The following LRRTM4 variants were observed in gnomAD, a reference collection of about 807,000 sequenced individuals.
LRRTM4 encodes leucine rich repeat transmembrane neuronal 4.
Under a neutral mutation model 47.6 loss-of-function variants are expected in LRRTM4, and 25 were observed. That is an observed-to-expected ratio of 0.53 (90% CI 0.38 to 0.73). LRRTM4 has a LOEUF of 0.73. LRRTM4 is among the 30% of genes least tolerant of loss of function. LRRTM4 has a pLI of 0.00. For synonymous variants in LRRTM4, 311 were observed against 269.5 expected (o/e 1.15, Z -1.51); for missense variants, 638 against 713.4 (o/e 0.89, Z 1.20).
intron 3 of LRRTM4, among the ~76,000 whole-genome samples, chr2:76,947,630 T>C (rs982948941): frequency 2.0e-5 from 3 of 151,806 alleles, no homozygotes; most frequent in South Asian, 2.1e-4. Flanking sequence ...TACATACAAA[T>C]AGACATTTGT....
At chr2:77,315,335 G>T (rs898786849) in intron 3 of LRRTM4, among the ~76,000 whole-genome samples, 7 of 151,768 alleles carry the variant, frequency 4.6e-5, no homozygotes, top group African/African-American at 1.7e-4. Context: ...TGTTCACAAG[G>T]AATAATATTT....
intron 3 of LRRTM4, among the ~76,000 whole-genome samples, chr2:76,791,203 A>C (rs4853273): frequency 6.6e-6 from 1 of 151,896 alleles, no homozygotes; most frequent in Non-Finnish European, 1.5e-5. Flanking sequence ...GAAGTGATCC[A>C]GGCATGTGGC....
intron 3 of LRRTM4, among the ~76,000 whole-genome samples, chr2:76,888,460 A>T (rs1673148108): frequency 6.6e-6 from 1 of 151,376 alleles, no homozygotes; most frequent in Non-Finnish European, 1.5e-5. Flanking sequence ...ATGGTAACTT[A>T]TTTTTTTATA....
chr2:77,343,150 T>C (rs1193873733), intron 3 of LRRTM4, among the ~76,000 whole-genome samples: 1 of 151,934 alleles, frequency 6.6e-6, no homozygotes, highest in Non-Finnish European at 1.5e-5. Context: ...CTATTTTACT[T>C]TAGCTAGCTC....
At chr2:77,198,166 C>T (rs188922480) in intron 3 of LRRTM4, among the ~76,000 whole-genome samples, 11 of 152,248 alleles carry the variant, frequency 7.2e-5, no homozygotes, top group Admixed American at 2.0e-4. Context: ...AGACCTTGGG[C>T]GACTGAGGTT....
At chr2:76,887,886 T>C (rs1673128290) in intron 3 of LRRTM4, among the ~76,000 whole-genome samples, 1 of 151,116 alleles carries the variant, frequency 6.6e-6, no homozygotes, top group Admixed American at 6.6e-5. Flanking sequence ...AGATAATGCC[T>C]AAATTATCAA....
At chr2:77,099,285 TG>T (rs1670890236) in intron 3 of LRRTM4, among the ~76,000 whole-genome samples, 1 of 151,864 alleles carries the variant, frequency 6.6e-6, no homozygotes, top group African/African-American at 2.4e-5. Context: ...TGTATAGCAT[TG>T]AAAATGAATG....
At chr2:77,065,705 C>T (rs750578114) in intron 3 of LRRTM4, among the ~76,000 whole-genome samples, 7 of 152,102 alleles carry the variant, frequency 4.6e-5, no homozygotes, top group Non-Finnish European at 7.4e-5. Flanking sequence ...TTTGCTAAAG[C>T]TCAGTGAATT....
intron 3 of LRRTM4, among the ~76,000 whole-genome samples, chr2:77,280,488 A>C (rs1212721307): frequency 6.6e-6 from 1 of 152,082 alleles, no homozygotes; most frequent in African/African-American, 2.4e-5. Flanking sequence ...CTATTACTTC[A>C]GATACAGCTT....
At chr2:77,218,951 G>T (rs1361990357) in intron 3 of LRRTM4, among the ~76,000 whole-genome samples, 1 of 152,166 alleles carries the variant, frequency 6.6e-6, no homozygotes, top group African/African-American at 2.4e-5. Flanking sequence ...GTAAATAAAT[G>T]AAACAAAATA....
chr2:76,797,197 G>T (rs959044229), intron 3 of LRRTM4, among the ~76,000 whole-genome samples: 1 of 152,048 alleles, frequency 6.6e-6, no homozygotes, highest in African/African-American at 2.4e-5. Context: ...AGGAAAAAAT[G>T]TTAAGGGCAG....
intron 3 of LRRTM4, among the ~76,000 whole-genome samples, chr2:77,427,011 G>C (rs1401668306): frequency 7.5e-6 from 1 of 132,888 alleles, no homozygotes; most frequent in Non-Finnish European, 1.6e-5. Context: ...ACGGAGTCTT[G>C]CTCTTTTGCC....
At chr2:76,839,453 T>C (rs1671610259) in intron 3 of LRRTM4, among the ~76,000 whole-genome samples, 1 of 152,166 alleles carries the variant, frequency 6.6e-6, no homozygotes, top group Admixed American at 6.6e-5. Context: ...ACTTTTGCTA[T>C]ATAGTAATTT....
In LRRTM4 at chr2:76,939,959, C is replaced by G. The variant is rs367767389; in HGVS notation, c.1552-191043G>C. ...ATTTCAATCCAAGAAGGGGTTGGTT[C>G]AAATATTCTTTTCTTTTATTCAAAA... is the stretch of plus-strand genomic sequence containing the variant. On this transcript the variant is annotated intron_variant, in intron 3 of 3. Transcript: ENST00000409884. Among the ~76,000 whole-genome samples, 4 of 151,860 alleles carry G rather than the reference C, an allele frequency of 2.6e-5. 1 individual carries two copies. The highest frequency in any genetic ancestry group is 1.3e-4 in the Admixed American group (2 of 15,232).
chr2:77,394,585 A>G (rs989678736), intron 3 of LRRTM4, among the ~76,000 whole-genome samples: 2 of 151,962 alleles, frequency 1.3e-5, no homozygotes, highest in South Asian at 4.1e-4. Flanking sequence ...AGGGTGAAAC[A>G]GGGATTTATA....
rs765555172 is a variant in LRRTM4 at position 77,077,470 on chromosome 2, G to A, written c.1552-328554C>T. Among the ~76,000 whole-genome samples the A allele has an allele frequency of 2.6e-5, 4 of 152,058 alleles. No individual in the cohort carries two copies. In the East Asian group the frequency reaches 5.8e-4, roughly 22 times the overall value. Reference sequence around the variant, plus strand: ...ATTTGGAATTAAGTCAGAAATGTTGGGAAATTTTGGTATGAATATATCTCC... The same window carrying A: ...ATTTGGAATTAAGTCAGAAATGTTGAGAAATTTTGGTATGAATATATCTCC... On this transcript the variant is annotated intron_variant, in intron 3 of 3. Transcript: ENST00000409884.
intron 3 of LRRTM4, among the ~76,000 whole-genome samples, chr2:76,890,573 A>T: frequency 6.6e-6 from 1 of 152,102 alleles, no homozygotes; most frequent in Middle Eastern, 3.4e-3. Context: ...TTAACAAAAT[A>T]AACATCAGAT....
chr2:77,040,914 A>C (rs781133465), intron 3 of LRRTM4, among the ~76,000 whole-genome samples: 3 of 151,486 alleles, frequency 2.0e-5, no homozygotes, highest in Non-Finnish European at 4.4e-5. Flanking sequence ...CACCTCAAAC[A>C]TTTGTCATTT....
intron 3 of LRRTM4, among the ~76,000 whole-genome samples, chr2:77,407,308 T>C (rs1407636680): frequency 3.9e-5 from 6 of 151,946 alleles, no homozygotes; most frequent in African/African-American, 1.4e-4. Flanking sequence ...TATATTATTT[T>C]CAGAATGTGC....
Sources: allele counts gnomAD v4.1 joint callset (sites outside exome capture counted in the v4.1 genomes callset), GRCh38; gene constraint gnomAD v4.1.1; transcripts MANE v1.5; gene names NCBI Gene and HGNC (gene_info 2026-07-23, HGNC 2026-07-21).